The following CELA3B variants were observed in gnomAD, a reference collection of about 807,000 sequenced individuals.
The protein encoded by CELA3B is chymotrypsin like elastase 3B.
In CELA3B, 34 loss-of-function variants were observed where a neutral mutation model predicts 37.2. The ratio of observed to expected loss-of-function variants is 0.91; its 90% CI spans 0.70 to 1.22. The LOEUF (loss-of-function observed/expected upper bound fraction) is 1.22, where lower values mean the gene tolerates loss of function less well. CELA3B is among the 50% of genes most tolerant of loss of function. The pLI is 0.00. For missense variants in CELA3B, 340 were observed against 363.1 expected (o/e 0.94, Z 0.52); for synonymous variants, 127 against 143.5 (o/e 0.89, Z 0.82).
chr1:21,977,031 G>C lies in CELA3B; in HGVS notation c.-9G>C. The C allele has an allele frequency of 6.3e-7, 1 of 1,584,936 alleles. No homozygotes were observed. The highest frequency in any genetic ancestry group is 8.6e-7 in the Non-Finnish European group (1 of 1,164,790). On this transcript the variant is annotated 5_prime_UTR_variant, in exon 1 of 8. Coordinates refer to ENST00000337107, the MANE Select transcript of CELA3B (RefSeq NM_007352.4). ...GGTTCTGTGCCCTTTTCCTATCATCGCAAAACTCATGATGCTCCGGCTGCT... is the reference window on the plus strand; with the variant it reads ...GGTTCTGTGCCCTTTTCCTATCATCCCAAAACTCATGATGCTCCGGCTGCT...
chr1:21,983,883 C>T lies in CELA3B; in HGVS notation c.499+53C>T, dbSNP rs1644821716. 1.9e-5 allele frequency: 30 copies of T among 1,590,208 alleles called. 1 individual carries two copies. In the South Asian group the frequency reaches 2.6e-4, roughly 14 times the overall value. ...CAGGGACAGTGGCAGAAAGACAGGG[C>T]CTGGGGGCTGCAGGTTGAAGGTAAC... On this transcript the variant is annotated intron_variant, in intron 5 of 7. Coordinates refer to ENST00000337107, the MANE Select transcript of CELA3B (RefSeq NM_007352.4).
rs144802255 is a variant in CELA3B, at chr1:21,980,872, G to T, written c.178G>T (p.Gly60Cys). The T allele has an allele frequency of 1.6e-4, 257 of 1,611,736 alleles. 1 individual carries two copies. In the African/African-American group the frequency reaches 3.0e-3, roughly 19 times the overall value. Residue 60 changes from glycine to cysteine, a missense_variant, in exon 3 of 8, where the codon GGT (glycine) becomes TGT (cysteine). Transcript: ENST00000337107. ...CGGAAGCTTCTACCACACCTGTGGCGGTAGCCTCATCGCCCCCGACTGGGT... is the reference window on the plus strand; with the variant it reads ...CGGAAGCTTCTACCACACCTGTGGCTGTAGCCTCATCGCCCCCGACTGGGT... ...KSGSFYHTCGGSLIAPDWVVT... is the reference protein window; with the variant it reads ...KSGSFYHTCGCSLIAPDWVVT...
intron 6 of CELA3B, among the ~76,000 whole-genome samples, chr1:21,984,649 C>A (rs993146465): frequency 1.6e-4 from 24 of 152,130 alleles, no homozygotes; most frequent in African/African-American, 5.3e-4. Context: ...TTCTGTGGTT[C>A]TAAAGTTATA....
chr1:21,988,999 G>GTA (rs2152817366), intron 7 of CELA3B, among the ~76,000 whole-genome samples: 1 of 151,910 alleles, frequency 6.6e-6, no homozygotes, highest in African/African-American at 2.4e-5. Context: ...ACATATATAT[G>GTA]TATATATATC....
chr1:21,997,148 T>G (rs529075543), intron 4 of CELA3B, among the ~76,000 whole-genome samples: 1 of 148,816 alleles, frequency 6.7e-6, no homozygotes, highest in South Asian at 2.1e-4. Flanking sequence ...TCATTTGAAG[T>G]CAGGAGTTTG....
intron 4 of CELA3B, among the ~76,000 whole-genome samples, chr1:21,995,016 A>C: frequency 6.7e-6 from 1 of 149,822 alleles, no homozygotes; most frequent in Non-Finnish European, 1.5e-5. Flanking sequence ...AAAAAAAAAA[A>C]AAAAAAAAAT....
At chr1:21,982,604 A>AT (rs398073829) in intron 4 of CELA3B, among the ~76,000 whole-genome samples, 7 of 151,186 alleles carry the variant, frequency 4.6e-5, no homozygotes, top group Admixed American at 4.6e-4. Context: ...CTCAAAAAAA[A>AT]AGTGAATTAT....
chr1:21,981,252 C>G lies in CELA3B; in HGVS notation c.362+80C>G. The G allele has an allele frequency of 3.9e-6, 5 of 1,270,520 alleles. No individual in the cohort carries two copies. In the South Asian group the frequency reaches 6.8e-5, roughly 17 times the overall value. The allele number at this position is 1,270,520 out of a possible 1,614,324, so 78.7% of individuals were successfully genotyped here. A position where few individuals can be genotyped will look rare whatever the true frequency, so the allele number is the denominator to read the frequency against. ...ACCCACAGCCAAGTCTGAGTAGGTT[C>G]CAACTCTGAGTTGGGACGTAGGGAC... On this transcript the variant is annotated intron_variant, in intron 4 of 7. Transcript: ENST00000337107.
At chr1:21,995,147 T>TTTCC (rs374666836) in intron 4 of CELA3B, among the ~76,000 whole-genome samples, 1 of 113,626 alleles carries the variant, frequency 8.8e-6, no homozygotes. Context: ...TTTCTTTCTT[T>TTTCC]TTTTTTTTTT....
intron 4 of CELA3B, among the ~76,000 whole-genome samples, chr1:21,996,313 G>T (rs912729255): frequency 4.6e-5 from 7 of 151,100 alleles, no homozygotes; most frequent in African/African-American, 1.7e-4. Context: ...AGCTCATAAA[G>T]ACCTTGCTGA....
chr1:21,993,362 T>A (rs1644876752), downstream of CELA3B, among the ~76,000 whole-genome samples: 1 of 148,588 alleles, frequency 6.7e-6, no homozygotes, highest in African/African-American at 2.5e-5. Context: ...CTTTGGAGGC[T>A]GAGGTGGAAG....
chr1:21,984,151 C>G (rs1159573175), intron 5 of CELA3B, 38 bp from the exon 6 acceptor site: 6 of 1,596,768 alleles, frequency 3.8e-6, no homozygotes, highest in Non-Finnish European at 5.1e-6. Flanking sequence ...TAGCCCTGTG[C>G]CCCCAGACCC....
intron 4 of CELA3B, among the ~76,000 whole-genome samples, chr1:21,996,995 C>T (rs1349300731): frequency 1.3e-5 from 2 of 151,294 alleles, no homozygotes; most frequent in Admixed American, 6.6e-5. Context: ...GAATTTATTC[C>T]AGCAAAAATC....
chr1:21,992,791 T>C (rs558290633), downstream of CELA3B, among the ~76,000 whole-genome samples: 47 of 149,828 alleles, frequency 3.1e-4, no homozygotes, highest in Non-Finnish European at 3.6e-4. Flanking sequence ...TGAGACCAGC[T>C]TGGGCAACAT....
chr1:21,985,600 A>G (rs1644832623), intron 6 of CELA3B, among the ~76,000 whole-genome samples: 1 of 151,744 alleles, frequency 6.6e-6, no homozygotes, highest in Non-Finnish European at 1.5e-5. Context: ...TTAAAGAAAA[A>G]AAAAAAAATG....
chr1:21,997,244 C>T (rs1644894173), intron 4 of CELA3B, among the ~76,000 whole-genome samples: 1 of 150,574 alleles, frequency 6.6e-6, no homozygotes, highest in Non-Finnish European at 1.5e-5. Context: ...GCCTGTAACC[C>T]CAGCTACTTG....
At chr1:21,978,515 G>T (rs1569832968) in intron 2 of CELA3B, 61 bp downstream of exon 2, 20 of 1,584,796 alleles carry the variant, frequency 1.3e-5, no homozygotes, top group Non-Finnish European at 1.7e-5. Context: ...AGCTCTAATG[G>T]CGCGGCATCC....
chr1:21,989,312 C>T lies in CELA3B; in HGVS notation c.*33C>T. 2 of 1,454,660 alleles carry T rather than the reference C, an allele frequency of 1.4e-6. No homozygotes were observed. The highest frequency in any genetic ancestry group is 3.6e-5 in the Admixed American group (2 of 55,492). The allele number at this position is 1,454,660 out of a possible 1,614,324, so 90.1% of individuals were successfully genotyped here. A position where few individuals can be genotyped will look rare whatever the true frequency, so the allele number is the denominator to read the frequency against. On this transcript the variant is annotated 3_prime_UTR_variant, in exon 8 of 8. Coordinates refer to ENST00000337107, the MANE Select transcript of CELA3B (RefSeq NM_007352.4). ...GCCCAGCTGGCAGTGCTGATCGATC[C>T]CACATCCTGAATAAAGAATAAAGAT...
chr1:21,997,459 G>C (rs1380197999), intron 4 of CELA3B, among the ~76,000 whole-genome samples: 2 of 151,014 alleles, frequency 1.3e-5, no homozygotes, highest in African/African-American at 4.9e-5. Context: ...AGGCCAAGGT[G>C]GGTGGATCAC....
Sources: allele counts gnomAD v4.1 joint callset (sites outside exome capture counted in the v4.1 genomes callset), GRCh38; gene constraint gnomAD v4.1.1; transcripts MANE v1.5; gene names NCBI Gene and HGNC (gene_info 2026-07-23, HGNC 2026-07-21).